The following NRXN1 variants were observed in gnomAD, a reference collection of about 807,000 sequenced individuals.
NRXN1 encodes the protein neurexin 1.
A neutral mutation model predicts 150.9 loss-of-function variants in NRXN1; 39 were observed. The observed-to-expected ratio is 0.26, with a 90% CI of 0.20 to 0.34. NRXN1 has a LOEUF of 0.34. Ranked by LOEUF, NRXN1 falls within the 10% of genes least tolerant of loss-of-function variation. The pLI, the probability that NRXN1 is intolerant of heterozygous loss-of-function variation, is 1.00. For missense variants in NRXN1, 1,815 were observed against 1,949.9 expected (o/e 0.93, Z 1.30); for synonymous variants, 924 against 757.0 (o/e 1.22, Z -3.62).
chr2:50,956,059 T>C lies in NRXN1; in HGVS notation c.773-30104A>G, dbSNP rs191408146. On this transcript the variant is annotated intron_variant, in intron 2 of 22. Transcript: ENST00000401669. ...TATGATTCTTTTTTAAATGTCCAGT[T>C]AGTTCTTCCAGGGAAGCAAGGCTAA... 4.6e-3 allele frequency among the ~76,000 whole-genome samples: 694 copies of C among 152,266 alleles called. 5 individuals carry two copies. The highest frequency in any genetic ancestry group is 0.016 in the African/African-American group (682 of 41,552).
At chr2:50,698,952 A>C (rs1362716584) in intron 5 of NRXN1, among the ~76,000 whole-genome samples, 3 of 152,272 alleles carry the variant, frequency 2.0e-5, no homozygotes, top group South Asian at 4.1e-4. Flanking sequence ...AGTTCTCTCT[A>C]TATATACCTT....
At chr2:50,937,709 A>G (rs1049442044) in intron 2 of NRXN1, among the ~76,000 whole-genome samples, 1 of 152,110 alleles carries the variant, frequency 6.6e-6, no homozygotes, top group African/African-American at 2.4e-5. Context: ...CTTAAACTCA[A>G]AAATTATTTC....
intron 21 of NRXN1, among the ~76,000 whole-genome samples, chr2:50,029,292 T>C (rs945061772): frequency 1.3e-5 from 2 of 152,142 alleles, no homozygotes; most frequent in African/African-American, 4.8e-5. Flanking sequence ...GTATGTTGTT[T>C]AGAAGTCACC....
intron 5 of NRXN1, among the ~76,000 whole-genome samples, chr2:50,653,189 C>A (rs1685893826): frequency 6.6e-6 from 1 of 151,930 alleles, no homozygotes; most frequent in South Asian, 2.1e-4. Context: ...AAACTTTAGA[C>A]AAACCAAATC....
rs1047487072 is a variant in NRXN1 at position 50,048,847 on chromosome 2, T to G, written c.4128+4424A>C. Among the ~76,000 whole-genome samples, 5 of 152,264 alleles carry G rather than the reference T, an allele frequency of 3.3e-5. No homozygotes were observed. The South Asian group carries it at 6.2e-4, about 19-fold the overall frequency. On this transcript the variant is annotated intron_variant, in intron 21 of 22. Coordinates refer to ENST00000401669, the MANE Select transcript of NRXN1 (RefSeq NM_001330078.2). ...AAACCATGGAACTGCTCCAATACAT[T>G]TCACTCATATTTACTGATTCTGTCT...
At chr2:50,512,407 A>C (rs955401968) in intron 12 of NRXN1, among the ~76,000 whole-genome samples, 1 of 152,024 alleles carries the variant, frequency 6.6e-6, no homozygotes, top group Non-Finnish European at 1.5e-5. Context: ...TTCTTTTGAC[A>C]ACATGTAATT....
chr2:49,928,719 A>G (rs1669579698), intron 22 of NRXN1, among the ~76,000 whole-genome samples: 1 of 152,214 alleles, frequency 6.6e-6, no homozygotes, highest in Non-Finnish European at 1.5e-5. Flanking sequence ...ATTCACAAGA[A>G]GCCATGTTTA....
At chr2:50,880,162 T>C (rs774260724) in intron 5 of NRXN1, among the ~76,000 whole-genome samples, 5 of 151,956 alleles carry the variant, frequency 3.3e-5, no homozygotes, top group African/African-American at 4.8e-5. Context: ...CTGGGTTTTT[T>C]CCCTGTGAAG....
chr2:50,122,790 T>C (rs1030564135), intron 18 of NRXN1, among the ~76,000 whole-genome samples: 4 of 152,198 alleles, frequency 2.6e-5, no homozygotes, highest in African/African-American at 9.7e-5. Context: ...AAATACACAA[T>C]AAATTATCAA....
chr2:50,008,621 A>T (rs534049705), intron 21 of NRXN1, among the ~76,000 whole-genome samples: 1 of 152,124 alleles, frequency 6.6e-6, no homozygotes, highest in African/African-American at 2.4e-5. Context: ...TCTGAACACT[A>T]TGTAAGATAT....
At chr2:50,815,292 G>C (rs1342374713) in intron 5 of NRXN1, among the ~76,000 whole-genome samples, 3 of 152,112 alleles carry the variant, frequency 2.0e-5, no homozygotes, top group African/African-American at 7.2e-5. Context: ...GGACGCAGTG[G>C]TAATTATAAA....
At chr2:50,639,285 A>G (rs1157087148) in intron 5 of NRXN1, among the ~76,000 whole-genome samples, 1 of 142,020 alleles carries the variant, frequency 7.0e-6, no homozygotes, top group African/African-American at 2.7e-5. Flanking sequence ...CAGTGGCATG[A>G]TCTCAGCTCA....
intron 17 of NRXN1, among the ~76,000 whole-genome samples, chr2:50,368,742 C>A (rs1367128140): frequency 6.6e-6 from 1 of 151,836 alleles, no homozygotes; most frequent in East Asian, 1.9e-4. Flanking sequence ...GGCCTTGAAA[C>A]TATAGGAAAG....
chr2:50,255,228 T>C (rs2067582616), intron 17 of NRXN1, among the ~76,000 whole-genome samples: 1 of 152,160 alleles, frequency 6.6e-6, no homozygotes. Flanking sequence ...CTCAACGATA[T>C]AAGATTTTTT....
chr2:50,205,647 G>T (rs1164764762), intron 18 of NRXN1, among the ~76,000 whole-genome samples: 2 of 151,998 alleles, frequency 1.3e-5, no homozygotes, highest in Non-Finnish European at 2.9e-5. Context: ...ACAAAATCTT[G>T]TACATGATTG....
chr2:50,136,746 A>C (rs778116772), intron 18 of NRXN1, among the ~76,000 whole-genome samples: 34 of 152,270 alleles, frequency 2.2e-4, no homozygotes, highest in Admixed American at 5.2e-4. Flanking sequence ...TTTACTAACC[A>C]AAATCCATTA....
At chr2:50,947,957 A>G (rs1221889547) in intron 2 of NRXN1, among the ~76,000 whole-genome samples, 1 of 152,036 alleles carries the variant, frequency 6.6e-6, no homozygotes, top group South Asian at 2.1e-4. Context: ...GGTTCCTACC[A>G]TATTCCATTG....
intron 5 of NRXN1, among the ~76,000 whole-genome samples, chr2:50,775,696 C>A (rs1703534764): frequency 6.6e-6 from 1 of 152,090 alleles, no homozygotes; most frequent in Non-Finnish European, 1.5e-5. Context: ...CCCAAATATT[C>A]ACTTAATGAA....
chr2:50,662,441 A>T (rs1213760385), intron 5 of NRXN1, among the ~76,000 whole-genome samples: 1 of 151,984 alleles, frequency 6.6e-6, no homozygotes, highest in Non-Finnish European at 1.5e-5. Context: ...TACAAAACCT[A>T]TTTCTTCTCT....
Sources: gnomAD v4.1 joint callset for allele counts (sites outside exome capture counted in the v4.1 genomes callset) on GRCh38, gnomAD v4.1.1 for gene constraint, MANE v1.5 for transcripts, NCBI Gene and HGNC (gene_info 2026-07-23, HGNC 2026-07-21) for gene names.